SPATA13: variants seen among roughly 807,000 people sequenced by gnomAD.
SPATA13 encodes spermatogenesis associated 13.
SPATA13 carries 50 observed loss-of-function variants against 104.0 expected under a neutral mutation model. The observed-to-expected ratio is 0.48, with a 90% confidence interval of 0.38 to 0.61. The LOEUF (loss-of-function observed/expected upper bound fraction) is 0.61. SPATA13 is among the 20% of genes least tolerant of loss of function. SPATA13 has a pLI of 0.00. For missense variants in SPATA13, 1,524 were observed against 1,690.6 expected, an observed-to-expected ratio of 0.90 and a Z score of 1.73; for synonymous variants, 606 against 667.5, an observed-to-expected ratio of 0.91 and a Z score of 1.42.
Position 24,247,029 on chromosome 13 carries a change from C to T in SPATA13, c.1654-2448C>T, listed in dbSNP as rs549169605. Among the ~76,000 whole-genome samples, 4 of 152,280 alleles carry T rather than the reference C, an allele frequency of 2.6e-5. No individual in the cohort carries two copies. The South Asian group carries it at 8.3e-4, about 32-fold the overall frequency. ...GACAGTGTCTGTTTGGGTGTGGATT[C>T]CCCTCTTTACCCTGGTAGCAGGCAA... On this transcript the variant is annotated intron_variant, in intron 2 of 12. Transcript: ENST00000382108.
chr13:24,222,694 T>A, intron 1 of SPATA13, 125 bp from the exon 2 acceptor site: 1 of 759,144 alleles, frequency 1.3e-6, no homozygotes, highest in South Asian at 2.0e-5. Flanking sequence ...AAATGTACAG[T>A]TTTAATTGAG....
At chr13:24,159,006 G>C (rs1293634238), upstream of SPATA13, among the ~76,000 whole-genome samples, 1 of 152,158 alleles carries the variant, frequency 6.6e-6, no homozygotes, top group African/African-American at 2.4e-5. Context: ...GTTAATAGTG[G>C]TTTCCAAGTA....
intron 3 of SPATA13, among the ~76,000 whole-genome samples, chr13:24,153,298 C>A (rs939547081): frequency 6.6e-6 from 1 of 152,216 alleles, no homozygotes; most frequent in Non-Finnish European, 1.5e-5. Flanking sequence ...CACCTGCAGT[C>A]CTGTCTTTGG....
chr13:24,240,078 G>A (rs934312377), intron 2 of SPATA13, among the ~76,000 whole-genome samples: 2 of 151,840 alleles, frequency 1.3e-5, no homozygotes, highest in Non-Finnish European at 2.9e-5. Context: ...TCTGAAGCAG[G>A]TGGATCCCTT....
intron 3 of SPATA13, among the ~76,000 whole-genome samples, chr13:24,111,475 A>G (rs1880636927): frequency 6.7e-6 from 1 of 149,642 alleles, no homozygotes; most frequent in Non-Finnish European, 1.5e-5. Context: ...TGGTGCAATC[A>G]CGGCTCACTG....
Position 24,294,755 on chromosome 13 carries a change from A to ATT in SPATA13, c.3097_3098insTT (p.Lys1033IlefsTer8), listed in dbSNP as rs912026331. The ATT allele has an allele frequency of 3.1e-6, 5 of 1,596,740 alleles. No homozygotes were observed. The highest frequency in any genetic ancestry group is 3.4e-6 in the Non-Finnish European group (4 of 1,165,384). ...ATCTTGCAGTGATTACAGCAACATAAAGGCAGCATATGAGGCCATGAAGAA... is the reference window on the plus strand; with the variant it reads ...ATCTTGCAGTGATTACAGCAACATAATTAGGCAGCATATGAGGCCATGAAGAA... On this transcript the variant is annotated frameshift_variant, in exon 10 of 13. Transcript: ENST00000382108. LOFTEE classifies it high-confidence loss of function.
chr13:24,177,390 G>A (rs572681299), intron 1 of SPATA13, among the ~76,000 whole-genome samples: 150 of 152,298 alleles, frequency 9.8e-4, no homozygotes, highest in African/African-American at 3.4e-3. Context: ...ATTCACTGTC[G>A]GCGTGAATGC....
intron 3 of SPATA13, among the ~76,000 whole-genome samples, chr13:24,098,026 C>T (rs1278491053): frequency 2.0e-5 from 3 of 152,090 alleles, no homozygotes; most frequent in African/African-American, 7.2e-5. Flanking sequence ...CCTCACAGTG[C>T]AGGAAAGCTA....
intron 3 of SPATA13, among the ~76,000 whole-genome samples, chr13:24,060,333 A>T (rs1170441618): frequency 3.9e-5 from 6 of 152,242 alleles, no homozygotes; most frequent in Admixed American, 1.3e-4. Flanking sequence ...AAGCAATGGG[A>T]AAGAATTCTC....
chr13:24,300,787 C>T (rs1427118869), intron 12 of SPATA13, among the ~76,000 whole-genome samples: 1 of 152,174 alleles, frequency 6.6e-6, no homozygotes, highest in East Asian at 1.9e-4. Flanking sequence ...GTGTTAGCCA[C>T]AAGGTCACGC....
chr13:24,127,373 C>G (rs369897389), intron 3 of SPATA13, among the ~76,000 whole-genome samples: 1 of 152,208 alleles, frequency 6.6e-6, no homozygotes, highest in Non-Finnish European at 1.5e-5. Flanking sequence ...TGACAACCAG[C>G]GTCATTTCCT....
At chr13:24,139,924 T>C (rs571155398) in intron 3 of SPATA13, among the ~76,000 whole-genome samples, 73 of 152,158 alleles carry the variant, frequency 4.8e-4, no homozygotes, top group South Asian at 8.3e-4. Flanking sequence ...AAACATTAGC[T>C]GGACGTGGTG....
chr13:24,108,665 G>T (rs539756442), intron 3 of SPATA13, among the ~76,000 whole-genome samples: 2 of 151,964 alleles, frequency 1.3e-5, no homozygotes, highest in Non-Finnish European at 2.9e-5. Context: ...ATGGTAGGGG[G>T]GGGGAAGCCT....
chr13:24,173,396 GTGTGTGGTA>G (rs1336229226), intron 1 of SPATA13, among the ~76,000 whole-genome samples: 1 of 135,014 alleles, frequency 7.4e-6, no homozygotes, highest in Non-Finnish European at 1.7e-5. Context: ...GTGTGTGTGT[GTGTGTGGTA>G]GATTTCTTGA....
Position 24,297,598 on chromosome 13 carries a change from T to A in SPATA13, c.3446T>A (p.Val1149Glu). Residue 1149 changes from valine to glutamate, a missense_variant, in exon 11 of 13, where the codon GTG becomes GAG. Coordinates refer to ENST00000382108, the MANE Select transcript of SPATA13 (RefSeq NM_001166271.3). ...DGRDKDCNLS[V>E]KNAFKLVSRT... ...CGCGACAAGGACTGCAACCTCAGCG[T>A]GAAAAATGCCTTCAAGCTCGTCAGT... The A allele has an allele frequency of 6.2e-7, 1 of 1,614,076 alleles. No individual in the cohort carries two copies. Among genetic ancestry groups the A allele is most frequent in the Non-Finnish European group, 8.5e-7 (1 of 1,180,030 alleles).
At chr13:24,063,236 A>G (rs998127918) in intron 3 of SPATA13, among the ~76,000 whole-genome samples, 1 of 152,176 alleles carries the variant, frequency 6.6e-6, no homozygotes, top group African/African-American at 2.4e-5. Context: ...CCAAACCACC[A>G]TGGGCACAAA....
Position 24,114,324 on chromosome 13 carries a change from A to C in SPATA13, c.-112+96623A>C, listed in dbSNP as rs1386065922. 3.6e-5 allele frequency among the ~76,000 whole-genome samples: 4 copies of C among 111,864 alleles called. No individual in the cohort carries two copies. In the East Asian group the frequency reaches 1.1e-3, roughly 31 times the overall value. 73.4% of individuals were successfully genotyped at this position (111,864 alleles called of 152,430 possible). A position where few individuals can be genotyped will look rare whatever the true frequency, so the allele number is the denominator to read the frequency against. On this transcript the variant is annotated intron_variant, in intron 3 of 14. Coordinates refer to the SPATA13 transcript ENST00000424834. Reference sequence around the variant, plus strand: ...GAGTTAGAATTGATTGAAAACCAATATGCGAGCATATAGAAGCTAATTCAG... The same window carrying C: ...GAGTTAGAATTGATTGAAAACCAATCTGCGAGCATATAGAAGCTAATTCAG...
intron 4 of SPATA13, among the ~76,000 whole-genome samples, chr13:24,271,361 G>C (rs1386522779): frequency 6.6e-6 from 1 of 152,140 alleles, no homozygotes; most frequent in Admixed American, 6.5e-5. Context: ...TTGGTGGTGT[G>C]TATAAGAATG....
intron 2 of SPATA13, among the ~76,000 whole-genome samples, chr13:24,014,879 ATTTTTTTTTTTTTTT>A (rs10566756): frequency 1.0e-4 from 8 of 78,698 alleles, no homozygotes; most frequent in South Asian, 5.0e-4. Flanking sequence ...CACTTTCTGG[ATTTTTTTTTTTTTTT>A]TTTTTTTTTT....
Sources: gnomAD v4.1 joint callset for allele counts (sites outside exome capture counted in the v4.1 genomes callset) on GRCh38, gnomAD v4.1.1 for gene constraint, MANE v1.5 for transcripts, NCBI Gene and HGNC (gene_info 2026-07-23, HGNC 2026-07-21) for gene names.